SEPTIN12: variants seen among roughly 807,000 people sequenced by gnomAD.
SEPTIN12 encodes septin-12.
SEPTIN12 carries 42 observed loss-of-function variants against 37.7 expected under a neutral mutation model. The ratio of observed to expected loss-of-function variants is 1.11; its 90% CI spans 0.87 to 1.44. The LOEUF (loss-of-function observed/expected upper bound fraction) is 1.44. Ranked by LOEUF, SEPTIN12 falls within the 40% of genes most tolerant of loss-of-function variation. SEPTIN12 has a pLI of 0.00. For synonymous variants in SEPTIN12, 254 were observed against 196.7 expected (o/e 1.29, Z -2.44); for missense variants, 613 against 479.2 (o/e 1.28, Z -2.61).
chr16:4,791,456 T>C (rs892558249), upstream of SEPTIN12, among the ~76,000 whole-genome samples: 4 of 152,166 alleles, frequency 2.6e-5, no homozygotes, highest in Non-Finnish European at 5.9e-5. Flanking sequence ...GATCAGTTCA[T>C]TTCATCCTCA....
In SEPTIN12 at chr16:4,783,509, A is replaced by T. The variant is rs200398089; in HGVS notation, c.679T>A (p.Cys227Ser). 1 of 1,614,126 alleles carries T rather than the reference A, an allele frequency of 6.2e-7. No homozygotes were observed. Among genetic ancestry groups the T allele is most frequent in the Admixed American group, 1.7e-5 (1 of 60,016 alleles). The change falls in exon 7 of 10, where the codon TGC becomes AGC. Residue 227 changes from cysteine (C) to serine (S), a missense_variant. Cys to Ser is a moderately radical substitution (Grantham distance 112). Transcript: ENST00000268231. ...THCIDVYPQM[C>S]FDEDINDKIL... is the part of the protein sequence containing the mutation. Reference sequence around the variant, plus strand: ...TTGTCATTGATGTCCTCGTCAAAGCACATCTGGGGGTAGACGTCGATGCAG... The same window carrying T: ...TTGTCATTGATGTCCTCGTCAAAGCTCATCTGGGGGTAGACGTCGATGCAG...
At chr16:4,780,067 G>A (rs8060334) in intron 7 of SEPTIN12, among the ~76,000 whole-genome samples, 1 of 151,530 alleles carries the variant, frequency 6.6e-6, no homozygotes, top group African/African-American at 2.4e-5. Context: ...CATGGTGAAA[G>A]GCCATCTCTG....
chr16:4,784,002 G>C lies in SEPTIN12; in HGVS notation c.441C>G (p.Ile147Met), dbSNP rs778997858. The C allele has an allele frequency of 1.9e-6, 3 of 1,614,182 alleles. No homozygotes were observed. Among genetic ancestry groups the C allele is most frequent in the Admixed American group, 1.7e-5 (1 of 60,020 alleles). ...YEQYLQEEIL[I>M]TRQRHIPDTR... ...TGTCTGGGATGTGGCGCTGGCGGGT[G>C]ATGAGGATCTCCTCCTGCAGGTACT... Residue 147 changes from isoleucine to methionine, a missense_variant, in exon 5 of 10, where the codon ATC becomes ATG. Physicochemically the swap from Ile to Met is conservative, Grantham distance 10 (BLOSUM62 1). Coordinates refer to ENST00000268231, the MANE Select transcript of SEPTIN12 (RefSeq NM_144605.5).
At chr16:4,787,400 G>A (rs1418930036) in intron 2 of SEPTIN12, 80 bp downstream of exon 2, 1 of 1,306,692 alleles carries the variant, frequency 7.7e-7, no homozygotes, top group Non-Finnish European at 1.1e-6. Flanking sequence ...GGGGCGACAG[G>A]CTGCCAAAGG....
At chr16:4,784,145 G>C (rs1442260386) in intron 4 of SEPTIN12, 77 bp from the exon 5 acceptor site, 11 of 1,564,614 alleles carry the variant, frequency 7.0e-6, no homozygotes, top group Non-Finnish European at 9.6e-6. Flanking sequence ...TGTGTCCTCT[G>C]GGCGGTCCTC....
At chr16:4,778,538 C>G (rs867436211) in intron 8 of SEPTIN12, among the ~76,000 whole-genome samples, 1 of 152,138 alleles carries the variant, frequency 6.6e-6, no homozygotes, top group Admixed American at 6.6e-5. Context: ...CGGTGGCTCA[C>G]GCCTATAATC....
chr16:4,786,999 T>C (rs906831610), intron 2 of SEPTIN12, among the ~76,000 whole-genome samples: 3 of 151,726 alleles, frequency 2.0e-5, no homozygotes, highest in African/African-American at 7.3e-5. Flanking sequence ...CTTAGCCTCC[T>C]AAGTAGCTCC....
At chr16:4,787,234 G>A (rs2082469226) in intron 2 of SEPTIN12, among the ~76,000 whole-genome samples, 2 of 151,992 alleles carry the variant, frequency 1.3e-5, no homozygotes, top group African/African-American at 4.8e-5. Flanking sequence ...CTGAGCTCAA[G>A]TGATCCACCC....
At chr16:4,787,346 A>T (rs1433885837) in intron 2 of SEPTIN12, 134 bp downstream of exon 2, 3 of 823,084 alleles carry the variant, frequency 3.6e-6, no homozygotes, top group African/African-American at 1.7e-5. Flanking sequence ...CAATGACAAC[A>T]TCCCTGTGAG....
At chr16:4,780,200 G>A (rs8060531) in intron 7 of SEPTIN12, among the ~76,000 whole-genome samples, 9 of 152,028 alleles carry the variant, frequency 5.9e-5, no homozygotes, top group Admixed American at 3.9e-4. Context: ...TGATATCCCC[G>A]CCTCAGTCCC....
At position 4,777,901 on chromosome 16, in the gene SEPTIN12, G is replaced by T. The variant is rs201819328; in HGVS notation, c.973C>A (p.Pro325Thr). 6 of 1,600,762 alleles carry T rather than the reference G, an allele frequency of 3.7e-6. No individual in the cohort carries two copies. Among genetic ancestry groups the T allele is most frequent in the Admixed American group, 3.5e-5 (2 of 57,002 alleles). ...GCCGGGGCCAGGTTCACCCAGCCGG[G>T]CCCGCGGGGCAGCAGGTGGCTTTCA... ...LNESHLLPRG[P>T]GWVNLAPASP... is the part of the protein sequence containing the mutation. The change falls in exon 10 of 10, where the codon CCC becomes ACC. Residue 325 changes from proline to threonine, a missense_variant. Pro to Thr is a conservative substitution (Grantham distance 38). Transcript: ENST00000268231.
At chr16:4,784,753 G>C (rs369869109) in intron 4 of SEPTIN12, among the ~76,000 whole-genome samples, 4 of 149,420 alleles carry the variant, frequency 2.7e-5, no homozygotes, top group East Asian at 3.9e-4. Flanking sequence ...CTGGGAAACA[G>C]ACTGAGACAC....
rs780319604 is a variant in SEPTIN12 at position 4,777,792 on chromosome 16, G to A, written c.*5C>T. 12 of 1,515,628 alleles carry A rather than the reference G, an allele frequency of 7.9e-6. No individual in the cohort carries two copies. The highest frequency in any genetic ancestry group is 2.8e-5 in the African/African-American group (2 of 72,438). The allele number at this position is 1,515,628 out of a possible 1,614,324, so 93.9% of individuals were successfully genotyped here. ...AAGCCCAGCAGCCCCGGGATCCGCCGGTGGTCAGAACTCATCATCAGAATC... is the reference window on the plus strand; with the variant it reads ...AAGCCCAGCAGCCCCGGGATCCGCCAGTGGTCAGAACTCATCATCAGAATC... On this transcript the variant is annotated 3_prime_UTR_variant, in exon 10 of 10. Coordinates refer to ENST00000268231, the MANE Select transcript of SEPTIN12 (RefSeq NM_144605.5).
At chr16:4,787,715 GC>G in intron 1 of SEPTIN12, 48 bp from the exon 2 acceptor site, 1 of 784,410 alleles carries the variant, frequency 1.3e-6, no homozygotes. Context: ...GCTCAGAGGA[GC>G]CCACATTGAC....
At chr16:4,791,255 T>G (rs907604472), upstream of SEPTIN12, among the ~76,000 whole-genome samples, 3 of 152,092 alleles carry the variant, frequency 2.0e-5, no homozygotes, top group Non-Finnish European at 4.4e-5. Flanking sequence ...AAGCATGCTG[T>G]CATCTGGAAG....
rs759424622 is a variant in SEPTIN12, at chr16:4,787,608, G to A, written c.38C>T (p.Ser13Phe). 1.2e-6 allele frequency: 2 copies of A among 1,603,132 alleles called. No individual in the cohort carries two copies. Among genetic ancestry groups the A allele is most frequent in the Non-Finnish European group, 1.7e-6 (2 of 1,178,962 alleles). ...PLRRSPSPCL[S>F]SQPSSPSTPP... ...GGTGCTGGGGCTGGAGGGCTGCGAG[G>A]ACAGGCAGGGAGAGGGGGAGCGCCT... Residue 13 changes from serine (S) to phenylalanine (F), a missense_variant, in exon 2 of 10, where the codon TCC (serine) becomes TTC (phenylalanine). Transcript: ENST00000268231.
At chr16:4,780,413 T>C (rs1030255457) in intron 7 of SEPTIN12, among the ~76,000 whole-genome samples, 6 of 152,066 alleles carry the variant, frequency 3.9e-5, no homozygotes, top group Non-Finnish European at 5.9e-5. Context: ...ATATAAAGTT[T>C]TATTGGCACA....
intron 7 of SEPTIN12, among the ~76,000 whole-genome samples, chr16:4,781,450 C>A (rs903580645): frequency 6.6e-6 from 1 of 151,990 alleles, no homozygotes; most frequent in Non-Finnish European, 1.5e-5. Flanking sequence ...CCCCATTTCT[C>A]CCTTCCCCAC....
intron 4 of SEPTIN12, among the ~76,000 whole-genome samples, chr16:4,785,003 T>C (rs1472829331): frequency 6.6e-6 from 1 of 151,860 alleles, no homozygotes; most frequent in Admixed American, 6.6e-5. Flanking sequence ...TCCCAGCACT[T>C]TGGGAGACTG....
Sources: allele counts gnomAD v4.1 joint callset (sites outside exome capture counted in the v4.1 genomes callset), GRCh38; gene constraint gnomAD v4.1.1; transcripts MANE v1.5; gene names NCBI Gene and HGNC (gene_info 2026-07-23, HGNC 2026-07-21).